The following STX8 variants were observed in gnomAD, a reference collection of about 807,000 sequenced individuals.
The protein encoded by STX8 is syntaxin 8.
A neutral mutation model predicts 37.5 loss-of-function variants in STX8; 23 were observed. The ratio of observed to expected loss-of-function variants is 0.61; its 90% CI spans 0.44 to 0.87. The LOEUF is 0.87. Ranked by LOEUF, STX8 falls within the 40% of genes least tolerant of loss-of-function variation. The pLI is 0.00. For synonymous variants in STX8, 115 were observed against 99.1 expected, an observed-to-expected ratio of 1.16 and a Z score of -0.95; for missense variants, 313 against 284.7, an observed-to-expected ratio of 1.10 and a Z score of -0.71.
intron 7 of STX8, among the ~76,000 whole-genome samples, chr17:9,293,001 C>T (rs1488858465): frequency 2.6e-5 from 4 of 152,116 alleles, no homozygotes; most frequent in Non-Finnish European, 4.4e-5. Flanking sequence ...CATGAATATC[C>T]GGTATCATCA....
chr17:9,262,667 C>T (rs558009666), intron 7 of STX8, among the ~76,000 whole-genome samples: 17 of 151,976 alleles, frequency 1.1e-4, no homozygotes, highest in East Asian at 1.9e-4. Context: ...CTGCAGCCTC[C>T]GCCTCCCAGG....
At chr17:9,389,993 A>G (rs1052815150) in intron 6 of STX8, among the ~76,000 whole-genome samples, 6 of 152,198 alleles carry the variant, frequency 3.9e-5, no homozygotes, top group Non-Finnish European at 4.4e-5. Context: ...TGCTTTGCCT[A>G]TGGCATCCTA....
chr17:9,261,195 C>T (rs759234308), intron 7 of STX8, among the ~76,000 whole-genome samples: 11 of 152,182 alleles, frequency 7.2e-5, no homozygotes, highest in Admixed American at 2.0e-4. Flanking sequence ...GCAGCAGTCA[C>T]GGCCACAGGA....
chr17:9,498,971 A>G (rs1416094644), intron 5 of STX8, among the ~76,000 whole-genome samples: 2 of 152,194 alleles, frequency 1.3e-5, no homozygotes, highest in Admixed American at 1.3e-4. Context: ...TCACCCACCC[A>G]TCTTCTGCCT....
At chr17:9,412,969 G>A (rs1913033150) in intron 6 of STX8, among the ~76,000 whole-genome samples, 1 of 152,208 alleles carries the variant, frequency 6.6e-6, no homozygotes, top group Non-Finnish European at 1.5e-5. Flanking sequence ...AAGAAAAGTT[G>A]CAATAGGACA....
At chr17:9,377,689 T>A (rs1911648775) in intron 7 of STX8, among the ~76,000 whole-genome samples, 1 of 152,104 alleles carries the variant, frequency 6.6e-6, no homozygotes, top group Non-Finnish European at 1.5e-5. Flanking sequence ...AATTTTTAAA[T>A]TTTTTATAGA....
At chr17:9,451,349 G>A (rs898439758) in intron 6 of STX8, among the ~76,000 whole-genome samples, 3 of 152,042 alleles carry the variant, frequency 2.0e-5, no homozygotes, top group Non-Finnish European at 4.4e-5. Flanking sequence ...GATCTACGGC[G>A]ACAGACATCT....
At chr17:9,335,667 G>C (rs954117431) in intron 7 of STX8, among the ~76,000 whole-genome samples, 2 of 152,090 alleles carry the variant, frequency 1.3e-5, no homozygotes, top group African/African-American at 2.4e-5. Context: ...ACAGTAAATT[G>C]ATTATTTTTT....
chr17:9,493,572 G>A (rs751148518), intron 5 of STX8, among the ~76,000 whole-genome samples: 5 of 152,212 alleles, frequency 3.3e-5, no homozygotes, highest in Non-Finnish European at 7.3e-5. Flanking sequence ...AGGAGGTTCT[G>A]ACAGCAGGGC....
At chr17:9,459,784 G>A (rs1905297161) in intron 6 of STX8, among the ~76,000 whole-genome samples, 1 of 152,350 alleles carries the variant, frequency 6.6e-6, no homozygotes. Flanking sequence ...CGAAGTGCTC[G>A]GATTACAGGA....
chr17:9,271,248 G>C (rs1197517378), intron 7 of STX8, among the ~76,000 whole-genome samples: 1 of 151,912 alleles, frequency 6.6e-6, no homozygotes, highest in Non-Finnish European at 1.5e-5. Context: ...GAGGTCATGA[G>C]TTTGAGACCA....
At chr17:9,467,608 A>G (rs1905670323) in intron 6 of STX8, among the ~76,000 whole-genome samples, 1 of 152,222 alleles carries the variant, frequency 6.6e-6, no homozygotes, top group South Asian at 2.1e-4. Context: ...AGGGAAGAAA[A>G]GAACACCATG....
intron 6 of STX8, among the ~76,000 whole-genome samples, chr17:9,473,902 T>G (rs896823704): frequency 6.6e-6 from 1 of 152,138 alleles, no homozygotes; most frequent in Admixed American, 6.5e-5. Context: ...TAACTCACGG[T>G]AGGCTCTTAG....
chr17:9,487,807 T>C (rs1483814335), intron 6 of STX8, among the ~76,000 whole-genome samples: 3 of 152,206 alleles, frequency 2.0e-5, no homozygotes, highest in Non-Finnish European at 4.4e-5. Flanking sequence ...ATGCTGTGTA[T>C]ATACACGTCG....
At chr17:9,255,449 C>G (rs1397293454) in intron 7 of STX8, among the ~76,000 whole-genome samples, 1 of 152,014 alleles carries the variant, frequency 6.6e-6, no homozygotes, top group Non-Finnish European at 1.5e-5. Context: ...ATCACTTGAA[C>G]TCGGGAGGCG....
intron 4 of STX8, among the ~76,000 whole-genome samples, chr17:9,516,343 A>ATG (rs55647835): frequency 7.6e-6 from 1 of 131,114 alleles, no homozygotes; most frequent in Non-Finnish European, 1.7e-5. Flanking sequence ...ATATATATAT[A>ATG]GACACCTGTT....
chr17:9,359,792 G>A lies in STX8; in HGVS notation c.643+18760C>T, dbSNP rs924426893. On this transcript the variant is annotated intron_variant, in intron 7 of 7. Coordinates refer to ENST00000306357, the MANE Select transcript of STX8 (RefSeq NM_004853.3). ...CGAAGTGCTGGGATTACAGGTGTGA[G>A]CCACCGTGCCTGGACTGTGATAGGA... 5.9e-5 allele frequency among the ~76,000 whole-genome samples: 9 copies of A among 152,204 alleles called. No homozygotes were observed. In the East Asian group the frequency reaches 1.7e-3, roughly 29 times the overall value.
At chr17:9,536,700 C>T (rs1906071593) in intron 4 of STX8, among the ~76,000 whole-genome samples, 2 of 152,080 alleles carry the variant, frequency 1.3e-5, no homozygotes, top group South Asian at 4.1e-4. Flanking sequence ...GTATACATTT[C>T]CCCTTCCTGA....
At chr17:9,270,706 T>C (rs1024494846) in intron 7 of STX8, among the ~76,000 whole-genome samples, 8 of 152,174 alleles carry the variant, frequency 5.3e-5, no homozygotes, top group African/African-American at 1.2e-4. Context: ...AAATTATCAA[T>C]AGAATAGGTA....
Sources: allele counts gnomAD v4.1 joint callset (sites outside exome capture counted in the v4.1 genomes callset), GRCh38; gene constraint gnomAD v4.1.1; transcripts MANE v1.5; gene names NCBI Gene and HGNC (gene_info 2026-07-23, HGNC 2026-07-21).